The following ADAMTS16 variants were observed in gnomAD, a reference collection of about 807,000 sequenced individuals.
The protein encoded by ADAMTS16 is ADAM metallopeptidase with thrombospondin type 1 motif 16.
In ADAMTS16, 94 loss-of-function variants were observed where a neutral mutation model predicts 145.8. The ratio of observed to expected loss-of-function variants is 0.64; its 90% CI spans 0.55 to 0.77. The LOEUF is 0.77. ADAMTS16 is among the 30% of genes least tolerant of loss of function. The probability of loss-of-function intolerance (pLI) is 0.00; values close to 1 mark genes in which losing one functional copy is unlikely to be tolerated. For missense variants in ADAMTS16, 1,585 were observed against 1,591.5 expected, an observed-to-expected ratio of 1.00 and a Z score of 0.07; for synonymous variants, 659 against 604.3, an observed-to-expected ratio of 1.09 and a Z score of -1.33.
Position 5,200,287 on chromosome 5 carries a change from T to C in ADAMTS16, c.1451+18T>C, listed in dbSNP as rs199821240. ...TTTCTAAGGTAGGAACTCTTTAAGCTGGTCTTGTGATCTTTCGGGGCCTTT... is the reference window on the plus strand; with the variant it reads ...TTTCTAAGGTAGGAACTCTTTAAGCCGGTCTTGTGATCTTTCGGGGCCTTT... On this transcript the variant is annotated intron_variant, in intron 9 of 22. Transcript: ENST00000274181. 6.8e-6 allele frequency: 11 copies of C among 1,613,444 alleles called. No individual in the cohort carries two copies. The African/African-American group carries it at 1.2e-4, about 18-fold the overall frequency.
intron 17 of ADAMTS16, among the ~76,000 whole-genome samples, chr5:5,246,929 C>T (rs575316308): frequency 6.6e-6 from 1 of 152,298 alleles, no homozygotes; most frequent in South Asian, 2.1e-4. Flanking sequence ...GCGTTGTGTT[C>T]CAAGAACTGT....
At chr5:5,223,643 CG>C (rs1257665977) in intron 11 of ADAMTS16, 2 of 150,220 alleles carry the variant, frequency 1.3e-5, no homozygotes, top group African/African-American at 2.5e-5. Flanking sequence ...AAACAAAAGT[CG>C]GAAAAAAAAG....
intron 3 of ADAMTS16, among the ~76,000 whole-genome samples, chr5:5,155,854 A>G (rs995536813): frequency 6.6e-6 from 1 of 152,112 alleles, no homozygotes; most frequent in Non-Finnish European, 1.5e-5. Flanking sequence ...GGGGACAGAC[A>G]GGAAGTGAGG....
intron 3 of ADAMTS16, among the ~76,000 whole-genome samples, chr5:5,170,527 C>G (rs1003806034): frequency 6.6e-6 from 1 of 151,646 alleles, no homozygotes; most frequent in Non-Finnish European, 1.5e-5. Flanking sequence ...TACAGGCATG[C>G]GCCATCATAC....
At chr5:5,313,662 T>C (rs538333618) in intron 21 of ADAMTS16, among the ~76,000 whole-genome samples, 43 of 152,220 alleles carry the variant, frequency 2.8e-4, no homozygotes, top group Non-Finnish European at 5.4e-4. Context: ...TGGAAACTCA[T>C]GGGCACTGAG....
At chr5:5,151,504 C>T (rs1560924649) in intron 3 of ADAMTS16, among the ~76,000 whole-genome samples, 1 of 152,092 alleles carries the variant, frequency 6.6e-6, no homozygotes, top group Non-Finnish European at 1.5e-5. Context: ...TCCCAAAGTG[C>T]TGGAACCACA....
chr5:5,311,469 T>C (rs901899448), intron 21 of ADAMTS16, among the ~76,000 whole-genome samples: 69 of 151,852 alleles, frequency 4.5e-4, no homozygotes, highest in Middle Eastern at 3.4e-3. Flanking sequence ...CCCCTCCAAA[T>C]GACACGACCC....
At chr5:5,169,166 A>G (rs1033829211) in intron 3 of ADAMTS16, among the ~76,000 whole-genome samples, 1 of 152,184 alleles carries the variant, frequency 6.6e-6, no homozygotes, top group South Asian at 2.1e-4. Context: ...ACTAATACCT[A>G]TGAAATGCAG....
chr5:5,304,046 G>A (rs1739915647), intron 20 of ADAMTS16, among the ~76,000 whole-genome samples: 1 of 152,110 alleles, frequency 6.6e-6, no homozygotes, highest in Non-Finnish European at 1.5e-5. Context: ...GTGAGCGTGA[G>A]AATAGGGGTT....
intron 17 of ADAMTS16, among the ~76,000 whole-genome samples, chr5:5,260,685 C>T (rs1737981968): frequency 6.6e-6 from 1 of 152,214 alleles, no homozygotes; most frequent in African/African-American, 2.4e-5. Context: ...CTTAGGAGAG[C>T]TGCCCTCCTC....
chr5:5,171,614 G>A (rs1735043738), intron 3 of ADAMTS16, among the ~76,000 whole-genome samples: 1 of 152,164 alleles, frequency 6.6e-6, no homozygotes, highest in African/African-American at 2.4e-5. Context: ...ACATCCCAGG[G>A]ATAAATCCTA....
At chr5:5,218,962 A>T (rs1736516044) in intron 10 of ADAMTS16, among the ~76,000 whole-genome samples, 1 of 152,084 alleles carries the variant, frequency 6.6e-6, no homozygotes, top group South Asian at 2.1e-4. Context: ...GTGTGTGCCC[A>T]TTAAGGTCTC....
intron 18 of ADAMTS16, among the ~76,000 whole-genome samples, chr5:5,272,783 G>A (rs1225859972): frequency 6.6e-6 from 1 of 152,178 alleles, no homozygotes; most frequent in African/African-American, 2.4e-5. Flanking sequence ...GGAATATTTG[G>A]GGATTGTATT....
intron 6 of ADAMTS16, among the ~76,000 whole-genome samples, chr5:5,189,669 T>A (rs918183979): frequency 6.6e-6 from 1 of 152,220 alleles, no homozygotes; most frequent in African/African-American, 2.4e-5. Flanking sequence ...TTTGAAAGAT[T>A]TTTGAAAACA....
Position 5,318,986 on chromosome 5 carries a change from C to T in ADAMTS16, c.3560-37C>T, listed in dbSNP as rs185169502. The T allele has an allele frequency of 2.3e-5, 34 of 1,478,566 alleles. No individual in the cohort carries two copies. In the African/African-American group the frequency reaches 2.6e-4, roughly 11 times the overall value. The allele number at this position is 1,478,566 out of a possible 1,614,324, so 91.6% of individuals were successfully genotyped here. ...AGCTGGCAACATCAGTCGCTGCACT[C>T]GGGATCGCTGAGTAATGCAGCTCTG... On this transcript the variant is annotated intron_variant, in intron 22 of 22. Transcript: ENST00000274181.
intron 8 of ADAMTS16, among the ~76,000 whole-genome samples, chr5:5,197,001 C>G (rs553878916): frequency 6.6e-6 from 1 of 152,340 alleles, no homozygotes; most frequent in East Asian, 1.9e-4. Flanking sequence ...TCAGCTCAGC[C>G]TTCTATCTTT....
At chr5:5,151,275 G>A (rs879874561) in intron 3 of ADAMTS16, among the ~76,000 whole-genome samples, 1 of 151,094 alleles carries the variant, frequency 6.6e-6, no homozygotes, top group South Asian at 2.1e-4. Flanking sequence ...GTCTCACCCT[G>A]TTGCCCAGGC....
At chr5:5,155,070 A>G (rs1734567608) in intron 3 of ADAMTS16, among the ~76,000 whole-genome samples, 1 of 152,226 alleles carries the variant, frequency 6.6e-6, no homozygotes, top group African/African-American at 2.4e-5. Flanking sequence ...AAATGAAACC[A>G]AGCTCTTGAA....
Position 5,277,105 on chromosome 5 carries a change from G to A in ADAMTS16, c.2789+14322G>A, listed in dbSNP as rs111322458. Among the ~76,000 whole-genome samples, 1,065 of 152,310 alleles carry A rather than the reference G, an allele frequency of 7.0e-3. 18 individuals are homozygous for A. Among genetic ancestry groups the A allele is most frequent in the African/African-American group, 0.024 (1,014 of 41,576 alleles). ...TGAAGATGTCACTAATTTAGAATTT[G>A]TGATTTTCAATGACAGAGTTGGATT... On this transcript the variant is annotated intron_variant, in intron 18 of 22. Coordinates refer to ENST00000274181, the MANE Select transcript of ADAMTS16 (RefSeq NM_139056.4).
Sources: gnomAD v4.1 joint callset for allele counts (sites outside exome capture counted in the v4.1 genomes callset) on GRCh38, gnomAD v4.1.1 for gene constraint, MANE v1.5 for transcripts, NCBI Gene and HGNC (gene_info 2026-07-23, HGNC 2026-07-21) for gene names.